Variants in TBC1D23 observed in about 807,000 individuals in gnomAD.
TBC1D23 encodes TBC1 domain family member 23, also known as HCV non-structural protein 4A-transactivated protein 1.
A neutral mutation model predicts 91.4 loss-of-function variants in TBC1D23; 55 were observed. The ratio of observed to expected loss-of-function variants is 0.60; its 90% CI spans 0.48 to 0.75. The LOEUF (loss-of-function observed/expected upper bound fraction) is 0.75, where lower values mean the gene tolerates loss of function less well. Ranked by LOEUF, TBC1D23 falls within the 30% of genes least tolerant of loss-of-function variation. The pLI is 0.00. For missense variants in TBC1D23, 725 were observed against 836.1 expected (o/e 0.87, Z 1.64); for synonymous variants, 289 against 281.0 (o/e 1.03, Z -0.28).
At chr3:100,273,594 G>A (rs868146394) in intron 1 of TBC1D23, among the ~76,000 whole-genome samples, 1 of 152,228 alleles carries the variant, frequency 6.6e-6, no homozygotes, top group Middle Eastern at 3.4e-3. Flanking sequence ...AAAACTGAAG[G>A]CATCACGCTA....
intron 3 of TBC1D23, among the ~76,000 whole-genome samples, chr3:100,282,544 CA>C (rs2067704057): frequency 6.6e-6 from 1 of 152,126 alleles, no homozygotes; most frequent in Non-Finnish European, 1.5e-5. Flanking sequence ...AATAGGTTTC[CA>C]GTCACCCCAC....
intron 15 of TBC1D23, 45 bp downstream of exon 15, chr3:100,311,922 TTAA>T: frequency 7.7e-7 from 1 of 1,305,680 alleles, no homozygotes; most frequent in African/African-American, 1.5e-5. Context: ...TCCTTTTCCT[TTAA>T]TATGCTTCAT....
At chr3:100,278,256 T>C (rs2067666041) in intron 1 of TBC1D23, among the ~76,000 whole-genome samples, 1 of 152,264 alleles carries the variant, frequency 6.6e-6, no homozygotes, top group African/African-American at 2.4e-5. Context: ...CCTTTTAGGC[T>C]GCTTCAAAGA....
At chr3:100,270,763 G>C (rs2067593468) in intron 1 of TBC1D23, among the ~76,000 whole-genome samples, 1 of 151,928 alleles carries the variant, frequency 6.6e-6, no homozygotes, top group Non-Finnish European at 1.5e-5. Context: ...GTCAGGCTTT[G>C]GGCTTTTATT....
chr3:100,318,853 A>G (rs1053746310), intron 16 of TBC1D23, among the ~76,000 whole-genome samples: 3 of 151,854 alleles, frequency 2.0e-5, no homozygotes, highest in Non-Finnish European at 4.4e-5. Flanking sequence ...GGGTTTCACC[A>G]TGTTGCCCAG....
chr3:100,284,056 A>T (rs370394825), intron 4 of TBC1D23: 1 of 425,684 alleles, frequency 2.3e-6, no homozygotes, highest in Non-Finnish European at 4.2e-6. Flanking sequence ...GGAAGTGGGG[A>T]GATTTAGGTC....
chr3:100,308,292 G>A (rs1475533719), intron 13 of TBC1D23, among the ~76,000 whole-genome samples: 3 of 151,988 alleles, frequency 2.0e-5, no homozygotes, highest in South Asian at 2.1e-4. Flanking sequence ...TGGATAACAC[G>A]GTGAAACCCC....
At chr3:100,283,535 A>G in intron 3 of TBC1D23, 72 bp from the exon 4 acceptor site, 1 of 919,252 alleles carries the variant, frequency 1.1e-6, no homozygotes, top group Non-Finnish European at 1.7e-6. Context: ...ATATATTTGT[A>G]AACAAGTGTT....
chr3:100,322,239 C>T (rs1333021546), intron 18 of TBC1D23, among the ~76,000 whole-genome samples: 5 of 152,160 alleles, frequency 3.3e-5, no homozygotes, highest in South Asian at 2.1e-4. Context: ...GGACTAGAGG[C>T]GCCCGCCACC....
chr3:100,321,737 GCTT>G (rs1705861473), intron 18 of TBC1D23, among the ~76,000 whole-genome samples: 1 of 151,644 alleles, frequency 6.6e-6, no homozygotes, highest in South Asian at 2.1e-4. Context: ...AAATTATTCA[GCTT>G]CTTTCATCTT....
At chr3:100,321,037 T>A in intron 18 of TBC1D23, 66 bp downstream of exon 18, 1 of 1,224,484 alleles carries the variant, frequency 8.2e-7, no homozygotes, top group Non-Finnish European at 1.1e-6. Context: ...TAGTTCACTA[T>A]AAAGAGTTTG....
At chr3:100,320,144 T>TC (rs1243226363) in intron 17 of TBC1D23, among the ~76,000 whole-genome samples, 1 of 152,122 alleles carries the variant, frequency 6.6e-6, no homozygotes, top group African/African-American at 2.4e-5. Context: ...CCTTTTCTCT[T>TC]CATGATGAAT....
At chr3:100,305,013 TC>T in intron 12 of TBC1D23, 125 bp downstream of exon 12, 1 of 562,622 alleles carries the variant, frequency 1.8e-6, no homozygotes. Flanking sequence ...TTCAATATTT[TC>T]AGAAAAGGCA....
At chr3:100,316,468 T>G (rs1172433544) in intron 16 of TBC1D23, among the ~76,000 whole-genome samples, 1 of 151,744 alleles carries the variant, frequency 6.6e-6, no homozygotes, top group Non-Finnish European at 1.5e-5. Context: ...TAATAAAATT[T>G]TAAAAAAAAG....
intron 13 of TBC1D23, among the ~76,000 whole-genome samples, chr3:100,308,853 CTT>C (rs1453972592): frequency 1.3e-5 from 2 of 152,196 alleles, no homozygotes; most frequent in African/African-American, 4.8e-5. Context: ...AATAGGATCA[CTT>C]TTAAATGTTT....
At position 100,283,595 on chromosome 3, in the gene TBC1D23, T is replaced by C. The variant is rs768036463; in HGVS notation, c.272-12T>C. 4 of 1,609,428 alleles carry C rather than the reference T, an allele frequency of 2.5e-6. No individual in the cohort carries two copies. In the South Asian group the frequency reaches 4.4e-5, roughly 18 times the overall value. ...GCCCTCAGTAACTTTATTTTTAACA[T>C]TTATTTTCTAGACCAGCTTTCAGTG... On this transcript the variant is annotated splice_polypyrimidine_tract_variant and intron_variant, in intron 3 of 18. Coordinates refer to ENST00000394144, the MANE Select transcript of TBC1D23 (RefSeq NM_001199198.3).
intron 13 of TBC1D23, among the ~76,000 whole-genome samples, chr3:100,307,104 G>A (rs190080922): frequency 1.2e-4 from 18 of 152,316 alleles, no homozygotes; most frequent in African/African-American, 3.8e-4. Context: ...TTTAGTTATT[G>A]AGATGTGTAT....
Position 100,320,761 on chromosome 3 carries a change from C to CT in TBC1D23, c.1824-9dup, listed in dbSNP as rs746729185. ...CTTAAAAATTCTTTTTCTTTTAATG[C>CT]TTTTTTTGTCTCAAGTCATCTGTTG... On this transcript the variant is annotated splice_polypyrimidine_tract_variant and intron_variant, in intron 17 of 18. Transcript: ENST00000394144. The CT allele has an allele frequency of 1.6e-5, 22 of 1,417,986 alleles. No individual in the cohort carries two copies. The South Asian group carries it at 1.6e-4, about 10-fold the overall frequency. The allele number at this position is 1,417,986 out of a possible 1,614,324, so 87.8% of individuals were successfully genotyped here.
At chr3:100,293,133 A>G (rs199586503) in intron 5 of TBC1D23, among the ~76,000 whole-genome samples, 20 of 85,252 alleles carry the variant, frequency 2.3e-4, no homozygotes, top group Non-Finnish European at 4.0e-4. Context: ...TTGTTTACTT[A>G]TTTATTTATT....
Sources: allele counts gnomAD v4.1 joint callset (sites outside exome capture counted in the v4.1 genomes callset), GRCh38; gene constraint gnomAD v4.1.1; transcripts MANE v1.5; gene names NCBI Gene and HGNC (gene_info 2026-07-23, HGNC 2026-07-21).